The following IQCJ variants were observed in gnomAD, a reference collection of about 807,000 sequenced individuals.
IQCJ encodes the protein IQ motif containing J, also known as IQ domain-containing protein J.
Under a neutral mutation model 11.0 loss-of-function variants are expected in IQCJ, and 9 were observed. The observed-to-expected ratio is 0.82, with a 90% CI of 0.49 to 1.43. IQCJ has a LOEUF of 1.43. Ranked by LOEUF, IQCJ falls within the 40% of genes most tolerant of loss-of-function variation. The pLI, the probability that IQCJ is intolerant of heterozygous loss-of-function variation, is 0.00. For missense variants in IQCJ, 146 were observed against 133.2 expected (o/e 1.10, Z -0.47); for synonymous variants, 55 against 51.3 (o/e 1.07, Z -0.31).
intron 1 of IQCJ, among the ~76,000 whole-genome samples, chr3:159,126,724 T>C (rs543473207): frequency 6.6e-6 from 1 of 152,354 alleles, no homozygotes; most frequent in East Asian, 1.9e-4. Context: ...CTAGGCTTTC[T>C]GTCAGTGTTG....
intron 1 of IQCJ, among the ~76,000 whole-genome samples, chr3:159,108,413 T>C (rs535446087): frequency 6.6e-6 from 1 of 152,338 alleles, no homozygotes; most frequent in African/African-American, 2.4e-5. Context: ...TTTCCACTTA[T>C]TCAAAAGTAA....
chr3:159,197,913 AT>A (rs999140936), intron 1 of IQCJ, among the ~76,000 whole-genome samples: 2 of 151,664 alleles, frequency 1.3e-5, no homozygotes, highest in Non-Finnish European at 2.9e-5. Context: ...CAAATCAAAA[AT>A]TTTTTTTTAC....
intron 1 of IQCJ, among the ~76,000 whole-genome samples, chr3:159,180,866 A>T (rs1723054192): frequency 6.6e-6 from 1 of 152,006 alleles, no homozygotes; most frequent in South Asian, 2.1e-4. Context: ...ATATGTTTTT[A>T]AAATTTACAA....
At chr3:159,199,574 A>C (rs1237978281) in intron 1 of IQCJ, among the ~76,000 whole-genome samples, 1 of 152,206 alleles carries the variant, frequency 6.6e-6, no homozygotes, top group African/African-American at 2.4e-5. Context: ...ATAGGAAAAA[A>C]TACAGTTAAA....
chr3:159,253,848 C>G (rs1577117985), intron 3 of IQCJ, among the ~76,000 whole-genome samples: 3 of 152,292 alleles, frequency 2.0e-5, no homozygotes, highest in Admixed American at 2.0e-4. Context: ...ACAGAAATCA[C>G]ACAAATACAT....
intron 1 of IQCJ, among the ~76,000 whole-genome samples, chr3:159,233,521 A>G (rs1157378761): frequency 6.6e-6 from 1 of 152,210 alleles, no homozygotes; most frequent in Non-Finnish European, 1.5e-5. Context: ...ATACATAATA[A>G]TAAAAATCTG....
At chr3:159,216,888 A>T (rs1725266266) in intron 1 of IQCJ, among the ~76,000 whole-genome samples, 2 of 152,174 alleles carry the variant, frequency 1.3e-5, no homozygotes, top group Admixed American at 1.3e-4. Context: ...AGTCAAAAAG[A>T]CAATCCAAAC....
intron 1 of IQCJ, among the ~76,000 whole-genome samples, chr3:159,083,073 C>T (rs1716437950): frequency 6.6e-6 from 1 of 152,038 alleles, no homozygotes; most frequent in Admixed American, 6.6e-5. Context: ...AACTTGTCAC[C>T]AAAAGCACTA....
chr3:159,227,815 A>G (rs1012687857), intron 1 of IQCJ, among the ~76,000 whole-genome samples: 4 of 152,208 alleles, frequency 2.6e-5, no homozygotes, highest in African/African-American at 9.6e-5. Context: ...AGGTGAGAAC[A>G]TGGATGTTGC....
chr3:159,110,390 G>T (rs1442641535), intron 1 of IQCJ, among the ~76,000 whole-genome samples: 1 of 152,048 alleles, frequency 6.6e-6, no homozygotes, highest in Non-Finnish European at 1.5e-5. Flanking sequence ...TTTATACTTT[G>T]TACCTTTGCA....
chr3:159,246,779 G>A (rs556668616), intron 2 of IQCJ, among the ~76,000 whole-genome samples: 55 of 152,324 alleles, frequency 3.6e-4, no homozygotes, highest in Admixed American at 1.4e-3. Flanking sequence ...AAATGTAATA[G>A]CTGTCCTCAA....
At chr3:159,128,682 G>C (rs1396755923) in intron 1 of IQCJ, among the ~76,000 whole-genome samples, 2 of 152,094 alleles carry the variant, frequency 1.3e-5, no homozygotes, top group African/African-American at 2.4e-5. Flanking sequence ...CATCCTGCCT[G>C]TGTGGCCAGA....
intron 1 of IQCJ, among the ~76,000 whole-genome samples, chr3:159,200,193 G>T (rs761467275): frequency 1.1e-4 from 17 of 148,814 alleles, no homozygotes; most frequent in Non-Finnish European, 2.4e-4. Context: ...GCCACGTTGA[G>T]AGTGAGTGGA....
chr3:159,125,661 T>C (rs969470065), intron 1 of IQCJ, among the ~76,000 whole-genome samples: 14 of 152,210 alleles, frequency 9.2e-5, no homozygotes, highest in African/African-American at 3.4e-4. Context: ...GAAATGGATA[T>C]AGTTAAAATT....
chr3:159,115,394 T>C (rs1559991043), intron 1 of IQCJ, among the ~76,000 whole-genome samples: 1 of 152,186 alleles, frequency 6.6e-6, no homozygotes, highest in African/African-American at 2.4e-5. Context: ...TTCTGCCCAA[T>C]TTCCATGGGT....
Position 159,142,708 on chromosome 3 carries a change from G to A in IQCJ, c.9+73267G>A, listed in dbSNP as rs530343253. The stretch of plus-strand genomic sequence containing the variant: ...GCTGGAATTACAGGCGTCAGCCACC[G>A]TACCCAGCCCGGGGGCAGGTCTTTT... On this transcript the variant is annotated intron_variant, in intron 1 of 3. Coordinates refer to ENST00000397832, the MANE Select transcript of IQCJ (RefSeq NM_001042706.3). 1.2e-4 allele frequency among the ~76,000 whole-genome samples: 18 copies of A among 152,078 alleles called. 1 individual carries two copies. The highest frequency in any genetic ancestry group is 5.9e-4 in the Admixed American group (9 of 15,274).
chr3:159,147,017 AT>A (rs1170061436), intron 1 of IQCJ, among the ~76,000 whole-genome samples: 1 of 152,272 alleles, frequency 6.6e-6, no homozygotes, highest in Non-Finnish European at 1.5e-5. Flanking sequence ...TTCAGCATCT[AT>A]GAATTAAGTC....
intron 1 of IQCJ, among the ~76,000 whole-genome samples, chr3:159,242,567 A>ATTT (rs1726990381): frequency 9.9e-6 from 1 of 101,016 alleles, no homozygotes; most frequent in African/African-American, 4.0e-5. Context: ...TGCCAGCTGA[A>ATTT]TCTTTTTTTT....
chr3:159,148,936 C>T (rs1174725403), intron 1 of IQCJ, among the ~76,000 whole-genome samples: 4 of 152,276 alleles, frequency 2.6e-5, no homozygotes, highest in African/African-American at 9.6e-5. Flanking sequence ...CAGGATGAAG[C>T]ATAACATCAA....
Sources: allele counts gnomAD v4.1 joint callset (sites outside exome capture counted in the v4.1 genomes callset), GRCh38; gene constraint gnomAD v4.1.1; transcripts MANE v1.5; gene names NCBI Gene and HGNC (gene_info 2026-07-23, HGNC 2026-07-21).